Variants in GMDS observed in about 807,000 individuals in gnomAD.
GMDS encodes the protein GDP-mannose 4,6-dehydratase.
A neutral mutation model predicts 49.9 loss-of-function variants in GMDS; 20 were observed. That is an observed-to-expected ratio of 0.40 (90% CI 0.28 to 0.58). GMDS has a LOEUF of 0.58. Among genes scored for constraint, GMDS ranks in the 20% least tolerant of loss-of-function variants. GMDS has a pLI of 0.42. For missense variants in GMDS, 362 were observed against 481.4 expected (o/e 0.75, Z 2.32); for synonymous variants, 177 against 178.6 (o/e 0.99, Z 0.07).
chr6:1,853,245 G>A (rs961042665), intron 7 of GMDS, among the ~76,000 whole-genome samples: 5 of 151,970 alleles, frequency 3.3e-5, no homozygotes, highest in East Asian at 3.9e-4. Context: ...AGGGCCGGGC[G>A]CGGTGGCTCA....
intron 9 of GMDS, among the ~76,000 whole-genome samples, chr6:1,644,099 C>A (rs997952814): frequency 1.3e-5 from 2 of 152,182 alleles, no homozygotes; most frequent in African/African-American, 4.8e-5. Context: ...GGCAAGGAAC[C>A]CCCGGTCTGA....
intron 9 of GMDS, among the ~76,000 whole-genome samples, chr6:1,651,452 C>T (rs1763650912): frequency 6.6e-6 from 1 of 152,214 alleles, no homozygotes; most frequent in Non-Finnish European, 1.5e-5. Context: ...TTCTCAGATG[C>T]TCTGTGCATC....
At chr6:2,174,297 G>GAATACCAT (rs1778162673) in intron 1 of GMDS, among the ~76,000 whole-genome samples, 2 of 152,162 alleles carry the variant, frequency 1.3e-5, no homozygotes, top group Admixed American at 1.3e-4. Context: ...GAGAATGTTT[G>GAATACCAT]AATACCATTC....
At chr6:2,159,925 G>A (rs1019881228) in intron 1 of GMDS, among the ~76,000 whole-genome samples, 4 of 151,948 alleles carry the variant, frequency 2.6e-5, no homozygotes, top group Admixed American at 6.6e-5. Flanking sequence ...GTTCAAACCC[G>A]TGTTAAGGGT....
rs1200080558 is a variant in GMDS at position 1,756,722 on chromosome 6, GTGCTGGA to G, written c.772-14143_772-14137del. On this transcript the variant is annotated intron_variant, in intron 7 of 10. Coordinates refer to ENST00000380815, the MANE Select transcript of GMDS (RefSeq NM_001500.4). ...GCCTCCCTCACAGGTCTGGTGCTGG[GTGCTGGA>G]TGCACCTCAGTTCTCCTCCACGTGG... is the stretch of plus-strand genomic sequence containing the variant. Among the ~76,000 whole-genome samples the G allele has an allele frequency of 2.6e-5, 4 of 152,342 alleles. No homozygotes were observed. The South Asian group carries it at 6.2e-4, about 24-fold the overall frequency.
At chr6:2,243,842 TC>T (rs1188814614) in intron 1 of GMDS, among the ~76,000 whole-genome samples, 32 of 116,308 alleles carry the variant, frequency 2.8e-4, no homozygotes, top group African/African-American at 5.6e-4. Context: ...AACTTCTCCT[TC>T]TTTTTTTTTT....
intron 9 of GMDS, among the ~76,000 whole-genome samples, chr6:1,634,820 G>A (rs1581392827): frequency 6.6e-6 from 1 of 152,190 alleles, no homozygotes; most frequent in Non-Finnish European, 1.5e-5. Context: ...GACACGAGGG[G>A]TGGGGAGGGG....
intron 4 of GMDS, among the ~76,000 whole-genome samples, chr6:2,068,865 C>A (rs1771792625): frequency 6.6e-6 from 1 of 152,074 alleles, no homozygotes; most frequent in Non-Finnish European, 1.5e-5. Flanking sequence ...AGATTCAATG[C>A]CATCCCCATC....
chr6:2,040,510 T>A (rs1769611286), intron 4 of GMDS, among the ~76,000 whole-genome samples: 1 of 152,224 alleles, frequency 6.6e-6, no homozygotes, highest in Non-Finnish European at 1.5e-5. Context: ...GAAAGCACAT[T>A]AATAACATTA....
chr6:1,825,105 G>A (rs9391933), intron 7 of GMDS, among the ~76,000 whole-genome samples: 11,425 of 152,226 alleles, frequency 0.075, 547 homozygotes, highest in East Asian at 0.15. Flanking sequence ...TTCACTTGCA[G>A]ATAAATCGCA....
At chr6:1,977,645 C>G (rs947376347) in intron 4 of GMDS, among the ~76,000 whole-genome samples, 1 of 152,112 alleles carries the variant, frequency 6.6e-6, no homozygotes, top group African/African-American at 2.4e-5. Context: ...AATGGCCCAC[C>G]TAGGGGCATC....
chr6:1,851,135 C>G (rs1402051480), intron 7 of GMDS, among the ~76,000 whole-genome samples: 2 of 152,138 alleles, frequency 1.3e-5, no homozygotes, highest in African/African-American at 2.4e-5. Context: ...CGGGAATGTT[C>G]CATCCATCAA....
chr6:1,989,913 A>G (rs571641065), intron 4 of GMDS, among the ~76,000 whole-genome samples: 2 of 152,240 alleles, frequency 1.3e-5, no homozygotes, highest in Non-Finnish European at 2.9e-5. Flanking sequence ...ACCTTTTAGT[A>G]CTTTGGTTTC....
chr6:2,221,769 T>G (rs886994622), intron 1 of GMDS, among the ~76,000 whole-genome samples: 2 of 152,136 alleles, frequency 1.3e-5, no homozygotes, highest in African/African-American at 4.8e-5. Flanking sequence ...ATATTCACAT[T>G]ATAGCAGTCC....
intron 9 of GMDS, among the ~76,000 whole-genome samples, chr6:1,657,207 T>C (rs780300538): frequency 1.3e-5 from 2 of 152,240 alleles, no homozygotes; most frequent in Non-Finnish European, 2.9e-5. Flanking sequence ...TCCCTGACGA[T>C]GTGTCATGGG....
At chr6:1,855,661 A>T (rs914857217) in intron 7 of GMDS, among the ~76,000 whole-genome samples, 2 of 152,254 alleles carry the variant, frequency 1.3e-5, no homozygotes, top group African/African-American at 2.4e-5. Context: ...GGACCAAGTG[A>T]TAAAAATGTT....
At chr6:2,176,440 G>A (rs1778288211) in intron 1 of GMDS, among the ~76,000 whole-genome samples, 1 of 152,154 alleles carries the variant, frequency 6.6e-6, no homozygotes, top group South Asian at 2.1e-4. Context: ...GTTTCATGAA[G>A]TCGAGCAAAG....
At chr6:2,035,956 G>T (rs1025659442) in intron 4 of GMDS, among the ~76,000 whole-genome samples, 4 of 152,034 alleles carry the variant, frequency 2.6e-5, no homozygotes, top group African/African-American at 9.7e-5. Flanking sequence ...TAAAGTGCTG[G>T]GATTACAGGT....
chr6:2,187,930 A>G (rs552607334), intron 1 of GMDS, among the ~76,000 whole-genome samples: 6 of 152,366 alleles, frequency 3.9e-5, no homozygotes, highest in African/African-American at 1.2e-4. Flanking sequence ...AAATCCTAGG[A>G]AACAATATCC....
Sources: gnomAD v4.1 joint callset for allele counts (sites outside exome capture counted in the v4.1 genomes callset) on GRCh38, gnomAD v4.1.1 for gene constraint, MANE v1.5 for transcripts, NCBI Gene and HGNC (gene_info 2026-07-23, HGNC 2026-07-21) for gene names.